The following FAM151A variants were observed in gnomAD, a reference collection of about 807,000 sequenced individuals.
FAM151A encodes the protein family with sequence similarity 151 member A.
Under a neutral mutation model 40.4 loss-of-function variants are expected in FAM151A, and 41 were observed. That is an observed-to-expected ratio of 1.01 (90% CI 0.79 to 1.32). FAM151A has a LOEUF of 1.32. FAM151A is among the 40% of genes most tolerant of loss of function. FAM151A has a pLI of 0.00. For missense variants in FAM151A, 740 were observed against 740.4 expected (o/e 1.00, Z 0.01); for synonymous variants, 337 against 312.5 (o/e 1.08, Z -0.83).
In FAM151A at chr1:54,616,040, A is replaced by G; in HGVS notation, c.395T>C (p.Val132Ala). 1 of 1,614,002 alleles carries G rather than the reference A, an allele frequency of 6.2e-7. No individual in the cohort carries two copies. Among genetic ancestry groups the G allele is most frequent in the Non-Finnish European group, 8.5e-7 (1 of 1,180,022 alleles). Reference sequence around the variant, plus strand: ...CTTACCCTTTTGGGAAGAGCCCAGCACAGCGTCCAGCCACTGCTCCAGTGT... The same window carrying G: ...CTTACCCTTTTGGGAAGAGCCCAGCGCAGCGTCCAGCCACTGCTCCAGTGT... Reference protein sequence around the residue: ...DNTLEQWLDAVLGSSQKGIKL... With the variant: ...DNTLEQWLDAALGSSQKGIKL... Residue 132 changes from valine (V) to alanine (A), a missense_variant, in exon 3 of 8, where the codon GTG (valine) becomes GCG (alanine). Val to Ala is a moderately conservative substitution (Grantham distance 64). Transcript: ENST00000302250.
At chr1:54,612,783 A>G (rs1644133535) in intron 4 of FAM151A, 73 bp from the exon 5 acceptor site, 1 of 1,073,198 alleles carries the variant, frequency 9.3e-7, no homozygotes, top group Admixed American at 1.9e-5. Context: ...GTCTCATCAC[A>G]GTGCTAGGGA....
chr1:54,616,683 T>C (rs535272347), intron 2 of FAM151A, among the ~76,000 whole-genome samples: 9 of 152,280 alleles, frequency 5.9e-5, no homozygotes, highest in African/African-American at 2.2e-4. Context: ...CTATGCATAG[T>C]TTTTACACAG....
At chr1:54,620,226 G>C (rs748247290) in intron 1 of FAM151A, among the ~76,000 whole-genome samples, 5 of 152,220 alleles carry the variant, frequency 3.3e-5, no homozygotes, top group African/African-American at 4.8e-5. Flanking sequence ...AGTCAGGAAA[G>C]GGGGCAGGTT....
At position 54,609,882 on chromosome 1, in the gene FAM151A, C is replaced by T. The variant is rs772873187; in HGVS notation, c.1144G>A (p.Val382Met). 1.4e-5 allele frequency: 22 copies of T among 1,613,070 alleles called. No individual in the cohort carries two copies. The highest frequency in any genetic ancestry group is 8.0e-5 in the African/African-American group (6 of 74,930). Reference protein sequence around the residue: ...GLEGTVAENPVPIVHTPSGNI... With the variant: ...GLEGTVAENPMPIVHTPSGNI... Reference sequence around the variant, plus strand: ...CCACTTGGAGTATGAACAATGGGCACGGGGTTTTCAGCCACAGTTCCCTCG... The same window carrying T: ...CCACTTGGAGTATGAACAATGGGCATGGGGTTTTCAGCCACAGTTCCCTCG... Residue 382 changes from valine to methionine, a missense_variant, in exon 8 of 8, where the codon GTG becomes ATG. Coordinates refer to ENST00000302250, the MANE Select transcript of FAM151A (RefSeq NM_176782.3).
chr1:54,612,405 C>T, intron 5 of FAM151A, 81 bp downstream of exon 5: 1 of 1,032,312 alleles, frequency 9.7e-7, no homozygotes, highest in South Asian at 1.4e-5. Context: ...CCTTTAAGAC[C>T]CTTCCAGCCA....
intron 6 of FAM151A, 127 bp downstream of exon 6, chr1:54,611,479 C>T (rs181902151): frequency 1.3e-5 from 11 of 860,174 alleles, no homozygotes; most frequent in South Asian, 5.3e-5. Context: ...AAAATGCAGC[C>T]GCCTCCTGTC....
intron 2 of FAM151A, among the ~76,000 whole-genome samples, chr1:54,617,902 C>G (rs976674066): frequency 6.6e-6 from 1 of 150,862 alleles, no homozygotes; most frequent in African/African-American, 2.4e-5. Flanking sequence ...AATTTTTGTA[C>G]TTTTAGTGGA....
chr1:54,609,477 G>C lies in FAM151A; in HGVS notation c.1549C>G (p.Leu517Val). 6.2e-7 allele frequency: 1 copy of C among 1,613,454 alleles called. No individual in the cohort carries two copies. The highest frequency in any genetic ancestry group is 1.7e-5 in the Admixed American group (1 of 60,032). Residue 517 changes from leucine to valine, a missense_variant, in exon 8 of 8, where the codon CTG (leucine) becomes GTG (valine). Coordinates refer to ENST00000302250, the MANE Select transcript of FAM151A (RefSeq NM_176782.3). ...PVSFQMQAML[L>V]GHSTAGAIGR... ...ATGGCTCCAGCTGTGCTGTGGCCCAGCAGCATGGCCTGCATCTGGAAGGAC... is the reference window on the plus strand; with the variant it reads ...ATGGCTCCAGCTGTGCTGTGGCCCACCAGCATGGCCTGCATCTGGAAGGAC...
chr1:54,610,312 C>T (rs2101013049), intron 7 of FAM151A, 100 bp downstream of exon 7: 1 of 1,544,384 alleles, frequency 6.5e-7, no homozygotes, highest in Non-Finnish European at 8.7e-7. Flanking sequence ...TGTAAATAAA[C>T]CTGTGTTGCC....
rs1445026959 is a variant in FAM151A, at chr1:54,611,570, C to A, written c.940+36G>T. The stretch of plus-strand genomic sequence containing the variant: ...CACCAGGTGCTGCTCCATGCAGAAT[C>A]CAGCCCACACCACCCTTCCCAATTC... On this transcript the variant is annotated intron_variant, in intron 6 of 7. Coordinates refer to ENST00000302250, the MANE Select transcript of FAM151A (RefSeq NM_176782.3). 3.1e-6 allele frequency: 5 copies of A among 1,609,362 alleles called. No individual in the cohort carries two copies. In the African/African-American group the frequency reaches 5.3e-5, roughly 17 times the overall value.
Position 54,614,762 on chromosome 1 carries a change from C to G in FAM151A, c.513G>C (p.Trp171Cys). 1 of 1,614,080 alleles carries G rather than the reference C, an allele frequency of 6.2e-7. No homozygotes were observed. The highest frequency in any genetic ancestry group is 8.5e-7 in the Non-Finnish European group (1 of 1,180,010). Residue 171 changes from tryptophan (W) to cysteine (C), a missense_variant, in exon 4 of 8, where the codon TGG (tryptophan) becomes TGC (cysteine). Trp to Cys is a radical substitution (Grantham distance 215). Coordinates refer to ENST00000302250, the MANE Select transcript of FAM151A (RefSeq NM_176782.3). ...GGCCCTTTAAGATGTCAGCGTTGAT[C>G]CATATGGGCCGCCGGACTTTGCCTT... is the stretch of plus-strand genomic sequence containing the variant. ...TEEGKVRRPI[W>C]INADILKGPN...
At chr1:54,611,835 C>T (rs1279788985) in intron 5 of FAM151A, 90 bp from the exon 6 acceptor site, 9 of 1,515,736 alleles carry the variant, frequency 5.9e-6, no homozygotes, top group South Asian at 2.4e-5. Context: ...GTCAGCTGGG[C>T]GCAGGGTAGA....
intron 3 of FAM151A, among the ~76,000 whole-genome samples, 193 bp downstream of exon 3, chr1:54,615,827 A>T (rs1644167192): frequency 6.6e-6 from 1 of 152,170 alleles, no homozygotes; most frequent in Non-Finnish European, 1.5e-5. Flanking sequence ...AAACACCAGG[A>T]CCTGCACTGA....
At chr1:54,621,456 CA>C (rs1275088478) in intron 1 of FAM151A, 53 of 151,578 alleles carry the variant, frequency 3.5e-4, no homozygotes, top group African/African-American at 1.3e-3. Flanking sequence ...GACTCTGTCT[CA>C]AAATAAATAA....
In FAM151A at chr1:54,611,746, C is replaced by T. The variant is rs780265540; in HGVS notation, c.801-1G>A. 4 of 1,614,026 alleles carry T rather than the reference C, an allele frequency of 2.5e-6. No homozygotes were observed. The highest frequency in any genetic ancestry group is 3.3e-5 in the Admixed American group (2 of 60,016). ...AGCCTGCCACAGCGTCAGGCTGTACCTGGGGACACGAGAGCTGGCTCAGTG... is the reference window on the plus strand; with the variant it reads ...AGCCTGCCACAGCGTCAGGCTGTACTTGGGGACACGAGAGCTGGCTCAGTG... On this transcript the variant is annotated splice_acceptor_variant, in intron 5 of 7. Coordinates refer to ENST00000302250, the MANE Select transcript of FAM151A (RefSeq NM_176782.3). LOFTEE classifies it high-confidence loss of function.
intron 7 of FAM151A, 128 bp downstream of exon 7, chr1:54,610,284 C>G: frequency 6.6e-7 from 1 of 1,511,014 alleles, no homozygotes; most frequent in Non-Finnish European, 8.8e-7. Context: ...CCTGCCCCAC[C>G]TTGCATCCAG....
intron 3 of FAM151A, among the ~76,000 whole-genome samples, chr1:54,615,431 G>A (rs920490695): frequency 1.3e-5 from 2 of 152,124 alleles, no homozygotes; most frequent in Non-Finnish European, 2.9e-5. Flanking sequence ...TGACAAAACT[G>A]GTGTTTTGAA....
In FAM151A at chr1:54,616,062, G is replaced by A. The variant is rs1453760040; in HGVS notation, c.373C>T (p.Leu125=). The stretch of plus-strand genomic sequence containing the variant: ...AGCACAGCGTCCAGCCACTGCTCCA[G>A]TGTGTTGTCACTGTAGATAGTGGGG... ...HPPTIYSDNT[L]EQWLDAVLGS... Residue 125 remains leucine, a synonymous_variant, in exon 3 of 8, where the codon CTG becomes TTG. Transcript: ENST00000302250. The A allele has an allele frequency of 6.2e-7, 1 of 1,614,176 alleles. No individual in the cohort carries two copies. The highest frequency in any genetic ancestry group is 1.1e-5 in the South Asian group (1 of 91,074).
At position 54,610,127 on chromosome 1, in the gene FAM151A, ACT is replaced by A. The variant is rs1380803696; in HGVS notation, c.1085-188_1085-187del. Reference sequence around the variant, plus strand: ...TATAAATGTGCCTGGTGCATGAGAAACTCTTGTTTCAGCTCTTGGCCTTTACC... The same window carrying A: ...TATAAATGTGCCTGGTGCATGAGAAACTTGTTTCAGCTCTTGGCCTTTACC... On this transcript the variant is annotated intron_variant, in intron 7 of 7. Transcript: ENST00000302250. 2.1e-6 allele frequency: 3 copies of A among 1,422,910 alleles called. No homozygotes were observed. In the Admixed American group the frequency reaches 8.8e-5, roughly 42 times the overall value. The allele number at this position is 1,422,910 out of a possible 1,614,324, so 88.1% of individuals were successfully genotyped here. A position where few individuals can be genotyped will look rare whatever the true frequency, so the allele number is the denominator to read the frequency against.
Sources: gnomAD v4.1 joint callset for allele counts (sites outside exome capture counted in the v4.1 genomes callset) on GRCh38, gnomAD v4.1.1 for gene constraint, MANE v1.5 for transcripts, NCBI Gene and HGNC (gene_info 2026-07-23, HGNC 2026-07-21) for gene names.